ZNF516: variants seen among roughly 807,000 people sequenced by gnomAD.
ZNF516 encodes zinc finger protein 516.
A neutral mutation model predicts 79.7 loss-of-function variants in ZNF516; 19 were observed. The ratio of observed to expected loss-of-function variants is 0.24; its 90% CI spans 0.17 to 0.35. The LOEUF (loss-of-function observed/expected upper bound fraction) is 0.35. ZNF516 is among the 10% of genes least tolerant of loss of function. The pLI is 1.00. For synonymous variants in ZNF516, 877 were observed against 739.5 expected (o/e 1.19, Z -3.02); for missense variants, 1,678 against 1,679.5 (o/e 1.00, Z 0.02).
chr18:76,399,399 T>C (rs1448715751), intron 3 of ZNF516, among the ~76,000 whole-genome samples: 1 of 152,244 alleles, frequency 6.6e-6, no homozygotes, highest in Non-Finnish European at 1.5e-5. Flanking sequence ...TATTTGCATT[T>C]TGGCATAGAC....
At chr18:76,496,139 G>T, upstream of ZNF516, 2 of 557,252 alleles carry the variant, frequency 3.6e-6, no homozygotes, top group Non-Finnish European at 5.5e-6. Flanking sequence ...GATGGCCGGG[G>T]TGGGGGAGGG....
chr18:76,440,066 C>T (rs1234769564), intron 3 of ZNF516, among the ~76,000 whole-genome samples: 1 of 152,242 alleles, frequency 6.6e-6, no homozygotes, highest in East Asian at 1.9e-4. Flanking sequence ...ATACGCATTA[C>T]TGAAAAGTCA....
intron 1 of ZNF516, among the ~76,000 whole-genome samples, chr18:76,479,547 A>G (rs1914375828): frequency 1.3e-5 from 2 of 152,216 alleles, no homozygotes; most frequent in African/African-American, 2.4e-5. Flanking sequence ...AGATGGAGGG[A>G]AGACGCACAG....
chr18:76,363,181 C>T (rs1280903433), intron 6 of ZNF516, among the ~76,000 whole-genome samples: 4 of 152,196 alleles, frequency 2.6e-5, no homozygotes, highest in Non-Finnish European at 5.9e-5. Context: ...TCTCCAATGA[C>T]ATTTGAAGCA....
chr18:76,495,338 CGCCCCGGACGCGTCCGCCCCGCGGGG>C (rs1456913396), upstream of ZNF516: 3 of 144,906 alleles, frequency 2.1e-5, no homozygotes, highest in Non-Finnish European at 4.6e-5. Context: ...CGCCCGCGCG[CGCCCCGGACGCGTCCGCCCCGCGGGG>C]GCCCCGGCGC....
chr18:76,485,868 T>TAAAA (rs36043507), intron 1 of ZNF516, among the ~76,000 whole-genome samples: 1 of 138,278 alleles, frequency 7.2e-6, no homozygotes, highest in Admixed American at 7.2e-5. Context: ...CTCATTTCTT[T>TAAAA]AAAAAAAAAA....
chr18:76,446,991 T>G (rs557945392), intron 2 of ZNF516, among the ~76,000 whole-genome samples: 1 of 152,338 alleles, frequency 6.6e-6, no homozygotes, highest in East Asian at 1.9e-4. Context: ...GTTGATTAAG[T>G]GATCCCCTCC....
Position 76,379,870 on chromosome 18 carries a change from C to T in ZNF516, c.2244G>A (p.Glu748=), listed in dbSNP as rs1037921099. Residue 748 remains glutamate, a synonymous_variant, in exon 4 of 7, where the codon GAG becomes GAA. Coordinates refer to ENST00000443185, the MANE Select transcript of ZNF516 (RefSeq NM_014643.4). Reference sequence around the variant, plus strand: ...AAGCCGCCTGCAGGGAGGAGGCCGTCTCCTTATTGCTGGGGTCATCCCGCG... The same window carrying T: ...AAGCCGCCTGCAGGGAGGAGGCCGTTTCCTTATTGCTGGGGTCATCCCGCG... ...RSTRDDPSNK[E]TASSLQAALV... The T allele has an allele frequency of 4.3e-6, 7 of 1,613,814 alleles. No individual in the cohort carries two copies. The highest frequency in any genetic ancestry group is 5.9e-6 in the Non-Finnish European group (7 of 1,179,890).
intron 3 of ZNF516, among the ~76,000 whole-genome samples, chr18:76,431,663 G>C (rs1023642232): frequency 1.9e-4 from 29 of 152,144 alleles, no homozygotes; most frequent in African/African-American, 6.8e-4. Context: ...GAGATCTGGC[G>C]GTTTCAGAGT....
Position 76,441,767 on chromosome 18 carries a change from G to A in ZNF516, c.1288C>T (p.Pro430Ser). 6.4e-7 allele frequency: 1 copy of A among 1,564,872 alleles called. No individual in the cohort carries two copies. The highest frequency in any genetic ancestry group is 1.4e-5 in the African/African-American group (1 of 74,060). Reference sequence around the variant, plus strand: ...GCCCCGTACTTGAGGTACTCGGCCGGCTCGGCCACCTTACCCCGCGTGGCC... The same window carrying A: ...GCCCCGTACTTGAGGTACTCGGCCGACTCGGCCACCTTACCCCGCGTGGCC... ...QLATRGKVAE[P>S]AEYLKYGAWD... The change falls in exon 3 of 7, where the codon CCG (proline) becomes TCG (serine). Residue 430 changes from proline to serine, a missense_variant. This residue lies in a region of ZNF516 where 1,294 missense variants were observed against 1,248.3 expected (regional missense o/e 1.04). Transcript: ENST00000443185.
At chr18:76,440,943 G>T (rs1016838768) in intron 3 of ZNF516, among the ~76,000 whole-genome samples, 4 of 152,116 alleles carry the variant, frequency 2.6e-5, no homozygotes, top group Non-Finnish European at 5.9e-5. Flanking sequence ...CACTGAAAGG[G>T]GCTCCAAGGG....
rs374770706 is a variant in ZNF516 at position 76,379,890 on chromosome 18, C to G, written c.2224G>C (p.Asp742His). Residue 742 changes from aspartate (D) to histidine (H), a missense_variant, in exon 4 of 7, where the codon GAT (aspartate) becomes CAT (histidine). Coordinates refer to ENST00000443185, the MANE Select transcript of ZNF516 (RefSeq NM_014643.4). ...PLDLSARSTR[D>H]DPSNKETASS... ...GCCGTCTCCTTATTGCTGGGGTCAT[C>G]CCGCGTCGACCTCGCACTTAAATCT... The G allele has an allele frequency of 4.9e-5, 79 of 1,613,834 alleles. No homozygotes were observed. Among genetic ancestry groups the G allele is most frequent in the Non-Finnish European group, 4.8e-5 (57 of 1,179,900 alleles).
chr18:76,473,903 T>TGTGTGGC lies in ZNF516; in HGVS notation c.-271-10763_-271-10762insGCCACAC, dbSNP rs58634236. Among the ~76,000 whole-genome samples, 4 of 54,190 alleles carry TGTGTGGC rather than the reference T, an allele frequency of 7.4e-5. No homozygotes were observed. The South Asian group carries it at 2.4e-3, about 33-fold the overall frequency. 35.6% of individuals were successfully genotyped at this position (54,190 alleles called of 152,430 possible). A position where few individuals can be genotyped will look rare whatever the true frequency, so the allele number is the denominator to read the frequency against. On this transcript the variant is annotated intron_variant, in intron 1 of 6. Coordinates refer to ENST00000443185, the MANE Select transcript of ZNF516 (RefSeq NM_014643.4). Reference sequence around the variant, plus strand: ...CACTGGGTTGTTGGTTGTTTTTGTGTGGGGGGGGGGGGGGCTTTCTTTTTG... The same window carrying TGTGTGGC: ...CACTGGGTTGTTGGTTGTTTTTGTGTGTGTGGCGGGGGGGGGGGGGGCTTTCTTTTTG...
chr18:76,483,688 T>C (rs537354407), intron 1 of ZNF516, among the ~76,000 whole-genome samples: 1 of 152,348 alleles, frequency 6.6e-6, no homozygotes, highest in African/African-American at 2.4e-5. Flanking sequence ...CTTTTTTCTT[T>C]TAGGATTTTC....
At chr18:76,471,603 A>C (rs1056482659) in intron 1 of ZNF516, among the ~76,000 whole-genome samples, 3 of 152,000 alleles carry the variant, frequency 2.0e-5, no homozygotes, top group African/African-American at 7.3e-5. Flanking sequence ...TGGTGGAAAC[A>C]CTCCACACAC....
intron 2 of ZNF516, among the ~76,000 whole-genome samples, chr18:76,455,398 G>C (rs546423305): frequency 6.6e-6 from 1 of 152,174 alleles, no homozygotes; most frequent in Non-Finnish European, 1.5e-5. Flanking sequence ...CCTTTTCTCT[G>C]ATTTGTCCAA....
chr18:76,466,778 G>A (rs988720077), intron 1 of ZNF516, among the ~76,000 whole-genome samples: 5 of 152,208 alleles, frequency 3.3e-5, no homozygotes, highest in African/African-American at 4.8e-5. Flanking sequence ...CAGGGGCCAC[G>A]AGGGCCATCC....
Position 76,362,096 on chromosome 18 carries a change from C to G in ZNF516, c.*402G>C, listed in dbSNP as rs148621573. On this transcript the variant is annotated 3_prime_UTR_variant, in exon 7 of 7. Coordinates refer to ENST00000443185, the MANE Select transcript of ZNF516 (RefSeq NM_014643.4). The stretch of plus-strand genomic sequence containing the variant: ...AGGCCCCTGTGACAGTGCTCAGCCT[C>G]GCCACTCTGTCCAACACACACAACA... 7 of 164,874 alleles carry G rather than the reference C, an allele frequency of 4.2e-5. No individual in the cohort carries two copies. The highest frequency in any genetic ancestry group is 1.7e-4 in the African/African-American group (7 of 41,856). 10.2% of individuals were successfully genotyped at this position (164,874 alleles called of 1,614,324 possible).
intron 3 of ZNF516, among the ~76,000 whole-genome samples, chr18:76,429,176 G>A (rs1197216691): frequency 6.6e-6 from 1 of 152,204 alleles, no homozygotes; most frequent in Non-Finnish European, 1.5e-5. Context: ...CCCCAGCACA[G>A]GGCATCAGAA....
Sources: gnomAD v4.1 joint callset for allele counts (sites outside exome capture counted in the v4.1 genomes callset) on GRCh38, gnomAD v4.1.1 for gene constraint, gnomAD v4.1.1 regional missense constraint, MANE v1.5 for transcripts, NCBI Gene and HGNC (gene_info 2026-07-23, HGNC 2026-07-21) for gene names.